Variants in MAP3K21 observed in about 807,000 individuals in gnomAD.
The protein encoded by MAP3K21 is mitogen-activated protein kinase kinase kinase 21, also known as mitogen-activated protein kinase kinase kinase MLK4.
A neutral mutation model predicts 86.1 loss-of-function variants in MAP3K21; 63 were observed. The observed-to-expected ratio is 0.73, with a 90% confidence interval of 0.60 to 0.90. MAP3K21 has a LOEUF of 0.90. Ranked by LOEUF, MAP3K21 falls within the 40% of genes least tolerant of loss-of-function variation. The probability of loss-of-function intolerance (pLI) is 0.00; values close to 1 mark genes in which losing one functional copy is unlikely to be tolerated. For synonymous variants in MAP3K21, 558 were observed against 564.8 expected (o/e 0.99, Z 0.17); for missense variants, 1,220 against 1,367.7 (o/e 0.89, Z 1.70).
Position 233,379,203 on chromosome 1 carries a change from G to A in MAP3K21, c.2197G>A (p.Val733Met). The A allele has an allele frequency of 6.2e-7, 1 of 1,614,186 alleles. No individual in the cohort carries two copies. Among genetic ancestry groups the A allele is most frequent in the Admixed American group, 1.7e-5 (1 of 60,026 alleles). Reference protein sequence around the residue: ...LYGCTVLLASVALGLDLRELH... With the variant: ...LYGCTVLLASMALGLDLRELH... ...TGGGTGCACCGTCCTTCTGGCATCGGTGGCTCTGGGACTGGACCTCAGAGA... is the reference window on the plus strand; with the variant it reads ...TGGGTGCACCGTCCTTCTGGCATCGATGGCTCTGGGACTGGACCTCAGAGA... Residue 733 changes from valine to methionine, a missense_variant, in exon 9 of 10, where the codon GTG becomes ATG. Val to Met is a conservative substitution (Grantham distance 21). Coordinates refer to ENST00000366624, the MANE Select transcript of MAP3K21 (RefSeq NM_032435.3).
intron 1 of MAP3K21, among the ~76,000 whole-genome samples, chr1:233,331,777 C>T (rs1662811775): frequency 6.6e-6 from 1 of 152,126 alleles, no homozygotes; most frequent in Non-Finnish European, 1.5e-5. Flanking sequence ...AGTAGATCTT[C>T]TCAAGTTTTA....
rs6424181 is a variant in MAP3K21 at position 233,371,996 on chromosome 1, G to A, written c.1553-42G>A. On this transcript the variant is annotated intron_variant, in intron 5 of 9. Coordinates refer to ENST00000366624, the MANE Select transcript of MAP3K21 (RefSeq NM_032435.3). ...TAAATACATGGCTATGAAGATAAAG[G>A]AAAACCATGAAATACCAGTTCTCCC... is the stretch of plus-strand genomic sequence containing the variant. The A allele has an allele frequency of 6.5e-3, 10,331 of 1,593,014 alleles. 612 individuals are homozygous for A. In the African/African-American group the frequency reaches 0.12, roughly 19 times the overall value.
intron 5 of MAP3K21, among the ~76,000 whole-genome samples, chr1:233,362,930 A>G (rs573801360): frequency 6.6e-6 from 1 of 152,228 alleles, no homozygotes; most frequent in Admixed American, 6.5e-5. Flanking sequence ...ATATCAATCA[A>G]TCAATACATA....
chr1:233,362,562 T>A (rs1023019271), intron 5 of MAP3K21, among the ~76,000 whole-genome samples: 4 of 152,210 alleles, frequency 2.6e-5, no homozygotes, highest in African/African-American at 9.6e-5. Flanking sequence ...GATTAACTGA[T>A]TGACTCCTTT....
chr1:233,372,124 A>G lies in MAP3K21; in HGVS notation c.1639A>G (p.Ser547Gly). The change falls in exon 6 of 10, where the codon AGC becomes GGC. Residue 547 changes from serine to glycine, a missense_variant. Ser to Gly is a moderately conservative substitution (Grantham distance 56). This residue lies in a region of MAP3K21 where 632 missense variants were observed against 691.3 expected (regional missense o/e 0.91). Transcript: ENST00000366624. ...LNSSSSSPPS[S>G]PTMMPRLRAI... The stretch of plus-strand genomic sequence containing the variant: ...CAGCAGCAGTTCCAGTCCCCCGAGC[A>G]GCCCCACAATGATGCCCCGACTCCG... The G allele has an allele frequency of 6.2e-7, 1 of 1,614,190 alleles. No individual in the cohort carries two copies. The highest frequency in any genetic ancestry group is 8.5e-7 in the Non-Finnish European group (1 of 1,180,026).
intron 2 of MAP3K21, among the ~76,000 whole-genome samples, chr1:233,350,076 G>A (rs555522667): frequency 5.9e-5 from 9 of 151,996 alleles, no homozygotes; most frequent in South Asian, 4.2e-4. Flanking sequence ...CTTCTAATTA[G>A]CTCAAGTCCC....
At chr1:233,369,769 CAG>C (rs1253812427) in intron 5 of MAP3K21, among the ~76,000 whole-genome samples, 5 of 152,194 alleles carry the variant, frequency 3.3e-5, no homozygotes, top group Non-Finnish European at 7.3e-5. Flanking sequence ...CTCACATCAG[CAG>C]AGTCAGGCAG....
chr1:233,328,783 A>G lies in MAP3K21; in HGVS notation c.755A>G (p.His252Arg). The G allele has an allele frequency of 6.5e-7, 1 of 1,546,852 alleles. No individual in the cohort carries two copies. Among genetic ancestry groups the G allele is most frequent in the Admixed American group, 1.9e-5 (1 of 53,180 alleles). ...VQIARGMLYL[H>R]EEAFVPILHR... ...ATAGCGCGGGGCATGCTCTACCTGC[A>G]TGAGGAGGCCTTCGTGCCCATCCTG... is the stretch of plus-strand genomic sequence containing the variant. Residue 252 changes from histidine (H) to arginine (R), a missense_variant, in exon 1 of 10, where the codon CAT becomes CGT. Physicochemically the swap from His to Arg is conservative, Grantham distance 29. This residue lies in a region of MAP3K21 where 89 missense variants were observed against 144.8 expected (regional missense o/e 0.61). Transcript: ENST00000366624. The surrounding 1 kb of genome is among the most constrained non-coding windows in gnomAD (Gnocchi z 8.7).
At chr1:233,376,600 A>C in intron 8 of MAP3K21, 73 bp downstream of exon 8, 1 of 1,061,272 alleles carries the variant, frequency 9.4e-7, no homozygotes, top group South Asian at 1.4e-5. Flanking sequence ...CTTTGCTTTT[A>C]CAGTCTTACG....
Position 233,357,415 on chromosome 1 carries a change from G to T in MAP3K21, c.1311+2404G>T, listed in dbSNP as rs191404942. On this transcript the variant is annotated intron_variant, in intron 4 of 9. Transcript: ENST00000366624. ...ACTTAAAGTATAATTAAAAAAAAAA[G>T]AAAAAATAAAAATAAAAATAAAAAA... 2.8e-3 allele frequency among the ~76,000 whole-genome samples: 429 copies of T among 150,942 alleles called. 1 individual carries two copies. The highest frequency in any genetic ancestry group is 7.4e-3 in the African/African-American group (304 of 41,036).
chr1:233,372,396 C>T (rs754397894), intron 6 of MAP3K21: 1 of 448,438 alleles, frequency 2.2e-6, no homozygotes, highest in Non-Finnish European at 3.9e-6. Flanking sequence ...CGACCTGGCC[C>T]CGGAGTAGAA....
intron 9 of MAP3K21, 26 bp from the exon 10 acceptor site, chr1:233,382,279 C>A: frequency 6.3e-7 from 1 of 1,581,948 alleles, no homozygotes; most frequent in African/African-American, 1.3e-5. Flanking sequence ...TTTCTAACTG[C>A]ATACTGTTTT....
At position 233,376,510 on chromosome 1, in the gene MAP3K21, T is replaced by C; in HGVS notation, c.1907T>C (p.Leu636Ser). 1.2e-6 allele frequency: 2 copies of C among 1,612,780 alleles called. No individual in the cohort carries two copies. The highest frequency in any genetic ancestry group is 2.2e-5 in the South Asian group (2 of 90,972). ...CAGAAAACCATGCCCTTGGCTTCAT[T>C]GTTTGTGGACCAGCCAGGTAAATGT... ...KNQKTMPLAS[L>S]FVDQPGSCEE... Residue 636 changes from leucine to serine, a missense_variant, in exon 8 of 10, where the codon TTG (leucine) becomes TCG (serine). By Grantham distance (145) the Leu-to-Ser change is moderately radical (BLOSUM62 -2). Transcript: ENST00000366624.
chr1:233,363,562 C>T (rs1663507596), intron 5 of MAP3K21, among the ~76,000 whole-genome samples: 1 of 152,008 alleles, frequency 6.6e-6, no homozygotes, highest in Non-Finnish European at 1.5e-5. Flanking sequence ...AGTAGCCGGG[C>T]ATGGTGGCAG....
intron 1 of MAP3K21, among the ~76,000 whole-genome samples, chr1:233,342,406 G>A (rs546399273): frequency 1.3e-5 from 2 of 152,346 alleles, no homozygotes; most frequent in East Asian, 3.9e-4. Flanking sequence ...ATAGCAGAGG[G>A]TTGGTAAATG....
chr1:233,348,946 G>A (rs1366473363), intron 2 of MAP3K21, among the ~76,000 whole-genome samples: 1 of 152,158 alleles, frequency 6.6e-6, no homozygotes, highest in Admixed American at 6.5e-5. Context: ...CACAGCTGAA[G>A]TCAGTGGCAG....
intron 3 of MAP3K21, 92 bp downstream of exon 3, chr1:233,354,047 C>A (rs575223802): frequency 6.1e-6 from 8 of 1,306,360 alleles, no homozygotes; most frequent in Non-Finnish European, 8.0e-6. Context: ...TTTTCTGTGA[C>A]TCTAATTTCC....
At chr1:233,356,603 A>G (rs909735585) in intron 4 of MAP3K21, among the ~76,000 whole-genome samples, 2 of 152,198 alleles carry the variant, frequency 1.3e-5, no homozygotes, top group African/African-American at 2.4e-5. Context: ...CAGATTCTTC[A>G]GAAACTCACA....
chr1:233,354,231 G>A (rs765392260), intron 3 of MAP3K21, among the ~76,000 whole-genome samples: 28 of 152,106 alleles, frequency 1.8e-4, no homozygotes, highest in Non-Finnish European at 3.4e-4. Context: ...AGGTACATGA[G>A]TAGAGTTCAA....
Sources: gnomAD v4.1 joint callset for allele counts (sites outside exome capture counted in the v4.1 genomes callset) on GRCh38, gnomAD v4.1.1 for gene constraint, gnomAD v4.1.1 regional missense constraint, Gnocchi (gnomAD v3.1) non-coding constraint, MANE v1.5 for transcripts, NCBI Gene and HGNC (gene_info 2026-07-23, HGNC 2026-07-21) for gene names.